Variants in MYZAP observed in about 807,000 individuals in gnomAD.
MYZAP encodes the protein GRINL1A complex locus upstream.
A neutral mutation model predicts 69.4 loss-of-function variants in MYZAP; 66 were observed. That is an observed-to-expected ratio of 0.95 (90% CI 0.78 to 1.17). The LOEUF (loss-of-function observed/expected upper bound fraction) is 1.17, where lower values mean the gene tolerates loss of function less well. Ranked by LOEUF, MYZAP falls within the 50% of genes most tolerant of loss-of-function variation. The pLI, the probability that MYZAP is intolerant of heterozygous loss-of-function variation, is 0.00. For synonymous variants in MYZAP, 256 were observed against 205.9 expected, an observed-to-expected ratio of 1.24 and a Z score of -2.09; for missense variants, 611 against 556.2, an observed-to-expected ratio of 1.10 and a Z score of -0.99.
At chr15:57,621,996 AAG>A (rs1227038956) in intron 4 of MYZAP, among the ~76,000 whole-genome samples, 1 of 152,206 alleles carries the variant, frequency 6.6e-6, no homozygotes, top group South Asian at 2.1e-4. Flanking sequence ...CTGGCCAAAC[AAG>A]AGAAATAAAC....
chr15:57,651,668 G>C (rs1398572246), intron 10 of MYZAP, among the ~76,000 whole-genome samples: 1 of 152,206 alleles, frequency 6.6e-6, no homozygotes, highest in Non-Finnish European at 1.5e-5. Context: ...GGGAGTGAAT[G>C]AATGATGAAA....
chr15:57,646,031 G>T, intron 10 of MYZAP: 1 of 560,656 alleles, frequency 1.8e-6, no homozygotes, highest in Non-Finnish European at 3.0e-6. Flanking sequence ...GTGTTTAGAG[G>T]ATTTCAAGTA....
chr15:57,629,905 C>T, intron 6 of MYZAP, 51 bp downstream of exon 6: 9 of 1,577,752 alleles, frequency 5.7e-6, no homozygotes, highest in Non-Finnish European at 6.0e-6. Flanking sequence ...CTCCTCTTTA[C>T]TTCTCCCTTT....
chr15:57,641,006 G>A (rs2037120903), intron 10 of MYZAP, among the ~76,000 whole-genome samples: 1 of 152,122 alleles, frequency 6.6e-6, no homozygotes. Flanking sequence ...CTTGGCCGTC[G>A]GGGCATAGTT....
intron 10 of MYZAP, chr15:57,647,571 G>C (rs1156523940): frequency 7.1e-6 from 7 of 985,290 alleles, no homozygotes; most frequent in African/African-American, 1.7e-5. Context: ...TGCTTTCAGG[G>C]TGGTGTGCTT....
In MYZAP at chr15:57,593,185, G is replaced by GGCGCATGCGCGCGCGC. The variant is rs374704790; in HGVS notation, c.75+1081_75+1082insTGCGCGCGCGCGCGCA. ...ACCAGACACTTAGGTTGTGTACACAGGCGCACACACACACACACACACACA... is the reference window on the plus strand; with the variant it reads ...ACCAGACACTTAGGTTGTGTACACAGGCGCATGCGCGCGCGCGCGCACACACACACACACACACACA... On this transcript the variant is annotated intron_variant, in intron 1 of 12. Transcript: ENST00000267853. Among the ~76,000 whole-genome samples, 6 of 31,692 alleles carry GGCGCATGCGCGCGCGC rather than the reference G, an allele frequency of 1.9e-4. No individual in the cohort carries two copies. In the Admixed American group the frequency reaches 2.7e-3, roughly 14 times the overall value. 20.8% of individuals were successfully genotyped at this position (31,692 alleles called of 152,430 possible).
chr15:57,619,349 AT>A (rs765417907), intron 3 of MYZAP, among the ~76,000 whole-genome samples: 1 of 152,138 alleles, frequency 6.6e-6, no homozygotes, highest in Non-Finnish European at 1.5e-5. Context: ...AATTTTAAAA[AT>A]TTATTTTATT....
intron 2 of MYZAP, among the ~76,000 whole-genome samples, chr15:57,610,617 A>G (rs1226659142): frequency 1.3e-5 from 2 of 152,196 alleles, no homozygotes; most frequent in Non-Finnish European, 2.9e-5. Context: ...TCTTCTAGCA[A>G]ATAGAAATGT....
intron 10 of MYZAP, chr15:57,646,769 A>T (rs1408785880): frequency 1.0e-6 from 1 of 985,354 alleles, no homozygotes; most frequent in African/African-American, 1.7e-5. Context: ...TTCTAAGAGG[A>T]GTTTAGCTTG....
At chr15:57,603,836 G>A (rs537618567) in intron 1 of MYZAP, among the ~76,000 whole-genome samples, 59 of 152,260 alleles carry the variant, frequency 3.9e-4, no homozygotes, top group Middle Eastern at 3.4e-3. Flanking sequence ...GATTAAACAT[G>A]TACATGTATA....
chr15:57,661,989 C>G (rs1473906686), intron 11 of MYZAP, among the ~76,000 whole-genome samples: 14 of 152,178 alleles, frequency 9.2e-5, no homozygotes, highest in Admixed American at 9.2e-4. Flanking sequence ...GGTTGCCCAG[C>G]TTAATAAATG....
chr15:57,623,634 G>A (rs1389802462), intron 4 of MYZAP, among the ~76,000 whole-genome samples: 2 of 151,978 alleles, frequency 1.3e-5, no homozygotes, highest in Admixed American at 6.6e-5. Flanking sequence ...TCCGTTGGCT[G>A]AGGCAGGAGA....
chr15:57,618,238 T>C (rs190902331), intron 3 of MYZAP, 50 bp downstream of exon 3: 1 of 1,591,968 alleles, frequency 6.3e-7, no homozygotes, highest in African/African-American at 1.3e-5. Context: ...TTTTGTAGCA[T>C]GCAAGAGAAT....
chr15:57,592,081 C>G lies in MYZAP; in HGVS notation c.47C>G (p.Ala16Gly). Residue 16 changes from alanine (A) to glycine (G), a missense_variant, in exon 1 of 13, where the codon GCC (alanine) becomes GGC (glycine). By Grantham distance (60) the Ala-to-Gly change is moderately conservative. Transcript: ENST00000267853. Reference protein sequence around the residue: ...STVTLLSGGAARTPGAPSRRA... With the variant: ...STVTLLSGGAGRTPGAPSRRA... ...GTCACCCTGCTCTCGGGCGGCGCCGCCAGGACGCCCGGGGCGCCCAGCAGG... is the reference window on the plus strand; with the variant it reads ...GTCACCCTGCTCTCGGGCGGCGCCGGCAGGACGCCCGGGGCGCCCAGCAGG... 2.2e-6 allele frequency: 3 copies of G among 1,380,348 alleles called. No homozygotes were observed. Among genetic ancestry groups the G allele is most frequent in the Non-Finnish European group, 2.8e-6 (3 of 1,071,184 alleles). The allele number at this position is 1,380,348 out of a possible 1,614,324, so 85.5% of individuals were successfully genotyped here.
Position 57,655,442 on chromosome 15 carries a change from G to T in MYZAP, c.1120-6008G>T, listed in dbSNP as rs536836569. On this transcript the variant is annotated intron_variant, in intron 10 of 12. Coordinates refer to ENST00000267853, the MANE Select transcript of MYZAP (RefSeq NM_001018100.5). The stretch of plus-strand genomic sequence containing the variant: ...AGTTCGAACATTAAAAGCGTAGGGG[G>T]TTTTTAATTGGGAGAGTGAGATAGT... Among the ~76,000 whole-genome samples, 6 of 152,230 alleles carry T rather than the reference G, an allele frequency of 3.9e-5. No homozygotes were observed. In the East Asian group the frequency reaches 1.2e-3, roughly 29 times the overall value.
chr15:57,663,762 GC>G (rs769173337), intron 11 of MYZAP, among the ~76,000 whole-genome samples: 1 of 152,320 alleles, frequency 6.6e-6, no homozygotes, highest in South Asian at 2.1e-4. Context: ...AGAGGATGTA[GC>G]GGGGTGGGTG....
At chr15:57,674,689 T>A (rs1338172244) in intron 11 of MYZAP, among the ~76,000 whole-genome samples, 1 of 152,218 alleles carries the variant, frequency 6.6e-6, no homozygotes, top group Non-Finnish European at 1.5e-5. Context: ...CTACAACAAA[T>A]TAGTGGCTGA....
At chr15:57,681,848 G>T (rs1292562463) in intron 12 of MYZAP, among the ~76,000 whole-genome samples, 2 of 152,046 alleles carry the variant, frequency 1.3e-5, no homozygotes, top group African/African-American at 2.4e-5. Flanking sequence ...GTGTATATGG[G>T]GATTGGGTGG....
intron 5 of MYZAP, among the ~76,000 whole-genome samples, chr15:57,627,354 A>T (rs1054693060): frequency 3.9e-5 from 5 of 129,504 alleles, no homozygotes; most frequent in African/African-American, 1.4e-4. Flanking sequence ...AGAAACAGAA[A>T]GAGAGAGACA....
Sources: gnomAD v4.1 joint callset for allele counts (sites outside exome capture counted in the v4.1 genomes callset) on GRCh38, gnomAD v4.1.1 for gene constraint, MANE v1.5 for transcripts, NCBI Gene and HGNC (gene_info 2026-07-23, HGNC 2026-07-21) for gene names.